The following AGBL1 variants were observed in gnomAD, a reference collection of about 807,000 sequenced individuals.
AGBL1 encodes AGBL carboxypeptidase 1.
AGBL1 carries 130 observed loss-of-function variants against 118.9 expected under a neutral mutation model. The ratio of observed to expected loss-of-function variants is 1.09; its 90% CI spans 0.95 to 1.26. The LOEUF (loss-of-function observed/expected upper bound fraction) is 1.26, where lower values mean the gene tolerates loss of function less well. Among genes scored for constraint, AGBL1 ranks in the 50% most tolerant of loss-of-function variants. The pLI is 0.00. For missense variants in AGBL1, 1,584 were observed against 1,298.1 expected (o/e 1.22, Z -3.38); for synonymous variants, 555 against 478.9 (o/e 1.16, Z -2.08).
intron 6 of AGBL1, among the ~76,000 whole-genome samples, chr15:86,228,499 G>A (rs920506279): frequency 1.3e-5 from 2 of 152,172 alleles, no homozygotes; most frequent in Non-Finnish European, 2.9e-5. Flanking sequence ...ACTCTGCAGG[G>A]AGAGGGGGCA....
chr15:86,555,907 GA>G (rs200743690), intron 21 of AGBL1, among the ~76,000 whole-genome samples: 11 of 150,208 alleles, frequency 7.3e-5, no homozygotes, highest in East Asian at 3.9e-4. Context: ...TATAAGATTG[GA>G]AAAAAAAAGC....
chr15:86,716,358 C>T (rs959877282), intron 22 of AGBL1, among the ~76,000 whole-genome samples: 9 of 151,938 alleles, frequency 5.9e-5, no homozygotes, highest in African/African-American at 1.9e-4. Context: ...AGTGGGGTCC[C>T]ATGGAGGGCT....
chr15:86,154,297 C>T (rs988268920), intron 3 of AGBL1, 133 bp from the exon 4 acceptor site: 13 of 973,438 alleles, frequency 1.3e-5, no homozygotes, highest in Non-Finnish European at 1.9e-5. Flanking sequence ...CAGCATTTGT[C>T]ACTAGGTCTG....
intron 18 of AGBL1, among the ~76,000 whole-genome samples, chr15:86,509,131 T>G (rs970570996): frequency 6.6e-6 from 1 of 152,134 alleles, no homozygotes; most frequent in African/African-American, 2.4e-5. Context: ...ACAGCCAGAA[T>G]CCGGTGACAC....
intron 19 of AGBL1, among the ~76,000 whole-genome samples, chr15:86,536,453 G>T (rs758232916): frequency 4.6e-5 from 7 of 152,172 alleles, no homozygotes; most frequent in Non-Finnish European, 1.0e-4. Flanking sequence ...TGGGACTGCA[G>T]GCACGTGCCA....
intron 16 of AGBL1, among the ~76,000 whole-genome samples, chr15:86,288,909 T>A (rs969776067): frequency 6.6e-6 from 1 of 152,160 alleles, no homozygotes; most frequent in African/African-American, 2.4e-5. Context: ...ATGTTCATTG[T>A]GAATTGTGCC....
At chr15:86,743,782 T>G (rs1452450) in intron 22 of AGBL1, among the ~76,000 whole-genome samples, 9,252 of 152,106 alleles carry the variant, frequency 0.061, 388 homozygotes, top group African/African-American at 0.11. Context: ...GGTTATGAGT[T>G]GGAAATGTTG....
intron 22 of AGBL1, among the ~76,000 whole-genome samples, chr15:86,689,185 G>A (rs1409800911): frequency 5.9e-5 from 9 of 152,088 alleles, no homozygotes; most frequent in African/African-American, 1.9e-4. Flanking sequence ...TCCTCTGTCT[G>A]GCATGCATTT....
intron 22 of AGBL1, among the ~76,000 whole-genome samples, chr15:86,905,591 C>T (rs1240250579): frequency 6.6e-6 from 1 of 152,174 alleles, no homozygotes; most frequent in Non-Finnish European, 1.5e-5. Context: ...TCACAGAATA[C>T]TCTGCTAGAC....
At chr15:87,011,737 T>A (rs1018130174) in intron 24 of AGBL1, among the ~76,000 whole-genome samples, 1 of 152,202 alleles carries the variant, frequency 6.6e-6, no homozygotes, top group African/African-American at 2.4e-5. Context: ...AAGAGTGTAT[T>A]TTCTGAGATA....
chr15:86,706,019 A>G (rs2086443623), intron 22 of AGBL1, among the ~76,000 whole-genome samples: 1 of 152,134 alleles, frequency 6.6e-6, no homozygotes, highest in Non-Finnish European at 1.5e-5. Flanking sequence ...AAATGCAATA[A>G]TTCAAGACAT....
intron 21 of AGBL1, among the ~76,000 whole-genome samples, chr15:86,582,091 G>A (rs1384812523): frequency 6.6e-6 from 1 of 152,082 alleles, no homozygotes; most frequent in Admixed American, 6.6e-5. Context: ...CCCACTAGAT[G>A]CAGGTAACAC....
At chr15:86,164,161 G>T (rs2077305302) in intron 5 of AGBL1, among the ~76,000 whole-genome samples, 1 of 152,190 alleles carries the variant, frequency 6.6e-6, no homozygotes, top group African/African-American at 2.4e-5. Context: ...GGGCATGTGG[G>T]GACAGCATTC....
At position 86,441,262 on chromosome 15, in the gene AGBL1, C is replaced by G. The variant is rs371358918; in HGVS notation, c.2555+43716C>G. ...ATAATTATCACTTGTTGTTGAAGAA[C>G]CCTTTAAACTAGTGAAGTCCGAATC... On this transcript the variant is annotated intron_variant, in intron 18 of 22. Coordinates refer to ENST00000614907, the MANE Select transcript of AGBL1 (RefSeq NM_001386094.1). Among the ~76,000 whole-genome samples the G allele has an allele frequency of 4.7e-4, 72 of 152,120 alleles. 1 individual carries two copies. Among genetic ancestry groups the G allele is most frequent in the African/African-American group, 1.5e-3 (63 of 41,496 alleles).
chr15:86,965,207 A>T (rs1347546549), intron 23 of AGBL1, among the ~76,000 whole-genome samples: 1 of 152,050 alleles, frequency 6.6e-6, no homozygotes, highest in Non-Finnish European at 1.5e-5. Context: ...GAATCGCCAC[A>T]CTCTCTTCCA....
intron 17 of AGBL1, among the ~76,000 whole-genome samples, chr15:86,316,296 C>T (rs2080008435): frequency 6.6e-6 from 1 of 152,136 alleles, no homozygotes; most frequent in Non-Finnish European, 1.5e-5. Context: ...TCCAGAGGCC[C>T]CAAATGATTC....
At chr15:86,637,735 C>T (rs553441900) in intron 21 of AGBL1, among the ~76,000 whole-genome samples, 141 of 152,134 alleles carry the variant, frequency 9.3e-4, no homozygotes, top group African/African-American at 3.3e-3. Context: ...GTAGAATCAA[C>T]AAGACTTGAT....
At position 86,121,296 on chromosome 15, in the gene AGBL1, T is replaced by TAAC. The variant is rs896022183; in HGVS notation, c.52-20704_52-20702dup. On this transcript the variant is annotated intron_variant, in intron 1 of 22. Coordinates refer to ENST00000614907, the MANE Select transcript of AGBL1 (RefSeq NM_001386094.1). ...TAATTTGTCATTTTACTATTAAGAATAACAACTATTAATATCTACTTTCCC... is the reference window on the plus strand; with the variant it reads ...TAATTTGTCATTTTACTATTAAGAATAACAACAACTATTAATATCTACTTTCCC... 3.3e-4 allele frequency among the ~76,000 whole-genome samples: 50 copies of TAAC among 152,338 alleles called. 1 individual carries two copies. The highest frequency in any genetic ancestry group is 3.4e-3 in the Middle Eastern group (1 of 294).
chr15:86,905,601 C>A (rs1442443257), intron 22 of AGBL1, among the ~76,000 whole-genome samples: 1 of 152,210 alleles, frequency 6.6e-6, no homozygotes, highest in African/African-American at 2.4e-5. Context: ...CTCTGCTAGA[C>A]AATATCCATG....
Sources: allele counts gnomAD v4.1 joint callset (sites outside exome capture counted in the v4.1 genomes callset), GRCh38; gene constraint gnomAD v4.1.1; transcripts MANE v1.5; gene names NCBI Gene and HGNC (gene_info 2026-07-23, HGNC 2026-07-21).